Variants in ANK2 observed in about 807,000 individuals in gnomAD.
ANK2 encodes the protein ankyrin 2.
ANK2 carries 83 observed loss-of-function variants against 360.5 expected under a neutral mutation model. The observed-to-expected ratio is 0.23, with a 90% CI of 0.19 to 0.28. The LOEUF (loss-of-function observed/expected upper bound fraction) is 0.28, where lower values mean the gene tolerates loss of function less well. Among genes scored for constraint, ANK2 ranks in the 10% least tolerant of loss-of-function variants. ANK2 has a pLI of 1.00. For missense variants in ANK2, 4,201 were observed against 4,795.7 expected, an observed-to-expected ratio of 0.88 and a Z score of 3.66; for synonymous variants, 1,740 against 1,759.5, an observed-to-expected ratio of 0.99 and a Z score of 0.28.
chr4:113,135,632 A>G (rs1166784128), intron 1 of ANK2, among the ~76,000 whole-genome samples: 4 of 152,064 alleles, frequency 2.6e-5, no homozygotes, highest in African/African-American at 9.7e-5. Flanking sequence ...ATTACTCTCC[A>G]TATGTTTATA....
At chr4:113,021,541 CATATATATATATATATATATATAT>C (rs57817594) in intron 2 of ANK2, among the ~76,000 whole-genome samples, 6 of 95,640 alleles carry the variant, frequency 6.3e-5, no homozygotes, top group African/African-American at 1.5e-4. Context: ...CACACACAAA[CATATATATATATATATATATATAT>C]ATATATATAT....
chr4:113,251,628 G>T (rs1225873373), intron 10 of ANK2, among the ~76,000 whole-genome samples: 6 of 151,572 alleles, frequency 4.0e-5, no homozygotes, highest in African/African-American at 1.5e-4. Flanking sequence ...AACTACAGGC[G>T]CCCACCACCA....
intron 1 of ANK2, among the ~76,000 whole-genome samples, chr4:113,139,429 C>T (rs1476099374): frequency 6.6e-6 from 1 of 152,120 alleles, no homozygotes; most frequent in African/African-American, 2.4e-5. Context: ...AATGAAGCCC[C>T]CATCTTGCTT....
At chr4:112,752,957 C>T in the ANK2 span, among the ~76,000 whole-genome samples, 2 of 152,160 alleles carry the variant, frequency 1.3e-5, no homozygotes, top group East Asian at 1.9e-4. Context: ...TGAACCTTTG[C>T]GCTGGCCTCC....
At chr4:113,054,286 T>A (rs2068507095) in intron 1 of ANK2, among the ~76,000 whole-genome samples, 1 of 151,810 alleles carries the variant, frequency 6.6e-6, no homozygotes, top group Non-Finnish European at 1.5e-5. Context: ...TCTGGATCAC[T>A]AAGATATTCA....
Position 113,336,092 on chromosome 4 carries a change from G to A in ANK2, c.3591+35G>A, listed in dbSNP as rs756701470. On this transcript the variant is annotated intron_variant, in intron 30 of 45. Coordinates refer to ENST00000357077, the MANE Select transcript of ANK2 (RefSeq NM_001148.6). ...TGTTAGATGCAAATGATCCTAACAGGATTGTATTCTAATGATTAAAAATTA... is the reference window on the plus strand; with the variant it reads ...TGTTAGATGCAAATGATCCTAACAGAATTGTATTCTAATGATTAAAAATTA... 20 of 1,601,322 alleles carry A rather than the reference G, an allele frequency of 1.2e-5. No individual in the cohort carries two copies. The Middle Eastern group carries it at 5.9e-4, about 47-fold the overall frequency.
At chr4:112,864,018 G>A (rs780040235) in intron 1 of ANK2, among the ~76,000 whole-genome samples, 6 of 152,086 alleles carry the variant, frequency 3.9e-5, no homozygotes, top group Non-Finnish European at 8.8e-5. Context: ...CTTACATTTG[G>A]GTGGGAATAC....
Position 113,335,956 on chromosome 4 carries a change from AT to A in ANK2, c.3492del (p.Ile1164MetfsTer8). The A allele has an allele frequency of 6.2e-7, 1 of 1,614,136 alleles. No homozygotes were observed. The highest frequency in any genetic ancestry group is 8.5e-7 in the Non-Finnish European group (1 of 1,180,028). ...TCGTATCAAACAGGACAGCAATCTG[AT>A]TGGCCCAGAAGGAGGTGTACTGAGC... ...VSRIKQDSNLIGPEGGVLSST... is the reference protein window; with the variant it reads ...VSRIKQDSNLXGPEGGVLSST... On this transcript the variant is annotated frameshift_variant, in exon 30 of 46. Transcript: ENST00000357077. LOFTEE classifies it high-confidence loss of function.
intron 1 of ANK2, among the ~76,000 whole-genome samples, chr4:113,096,023 C>T (rs1211673816): frequency 6.6e-6 from 1 of 152,164 alleles, no homozygotes; most frequent in East Asian, 1.9e-4. Context: ...TGATGAGGGG[C>T]TGCCAAAGTA....
chr4:112,903,695 T>G (rs916784863), intron 1 of ANK2, among the ~76,000 whole-genome samples: 1 of 152,214 alleles, frequency 6.6e-6, no homozygotes, highest in African/African-American at 2.4e-5. Flanking sequence ...CATTAAAAAC[T>G]TGTCCAATCT....
chr4:113,277,941 G>T lies in ANK2; in HGVS notation c.1782+6G>T, dbSNP rs2060824270. Reference sequence around the variant, plus strand: ...CCGCAGATTCTGCAGGGAAGGTAAAGATTTTCTATACGTTATAATTATGTA... The same window carrying T: ...CCGCAGATTCTGCAGGGAAGGTAAATATTTTCTATACGTTATAATTATGTA... On this transcript the variant is annotated splice_donor_region_variant and intron_variant, in intron 16 of 45. Transcript: ENST00000357077. 2.5e-6 allele frequency: 4 copies of T among 1,609,352 alleles called. No homozygotes were observed. The highest frequency in any genetic ancestry group is 2.6e-6 in the Non-Finnish European group (3 of 1,175,926).
chr4:112,987,721 C>A (rs2045414957), intron 2 of ANK2, among the ~76,000 whole-genome samples: 1 of 151,830 alleles, frequency 6.6e-6, no homozygotes, highest in South Asian at 2.1e-4. Flanking sequence ...ATGTCTATTG[C>A]CTAACTTAGT....
chr4:113,292,287 A>C (rs763856834), intron 20 of ANK2, 129 bp from the exon 21 acceptor site: 19 of 865,902 alleles, frequency 2.2e-5, no homozygotes, highest in African/African-American at 3.3e-5. Context: ...GTTGCTGATC[A>C]TCTTGGGCTC....
intron 2 of ANK2, among the ~76,000 whole-genome samples, chr4:112,936,729 T>C (rs994662156): frequency 2.0e-5 from 3 of 151,800 alleles, no homozygotes; most frequent in Non-Finnish European, 1.5e-5. Flanking sequence ...TGGAGGTCAA[T>C]AATCTACACA....
At chr4:112,731,049 G>T in the ANK2 span, among the ~76,000 whole-genome samples, 1 of 152,034 alleles carries the variant, frequency 6.6e-6, no homozygotes, top group African/African-American at 2.4e-5. Context: ...GGCTGAGGCA[G>T]GAGAATCGCT....
intron 14 of ANK2, 79 bp from the exon 15 acceptor site, chr4:113,274,373 A>G: frequency 1.4e-6 from 2 of 1,462,372 alleles, no homozygotes; most frequent in East Asian, 2.3e-5. Flanking sequence ...AGAAGACATC[A>G]TGAAATATGT....
At chr4:113,348,125 T>C in intron 35 of ANK2, 151 bp from the exon 36 acceptor site, 2 of 739,738 alleles carry the variant, frequency 2.7e-6, no homozygotes, top group South Asian at 3.2e-5. Context: ...TTCTATAAAC[T>C]GTTAGTAATA....
At chr4:113,324,637 A>G (rs2088697436) in intron 26 of ANK2, among the ~76,000 whole-genome samples, 1 of 152,228 alleles carries the variant, frequency 6.6e-6, no homozygotes, top group African/African-American at 2.4e-5. Context: ...GCCATATCCA[A>G]GCAATTTTTA....
intron 2 of ANK2, among the ~76,000 whole-genome samples, chr4:113,037,438 T>G (rs975579269): frequency 6.6e-6 from 1 of 151,990 alleles, no homozygotes; most frequent in African/African-American, 2.4e-5. Flanking sequence ...ATTATTATTG[T>G]TATACTCTAA....
Sources: gnomAD v4.1 joint callset for allele counts (sites outside exome capture counted in the v4.1 genomes callset) on GRCh38, gnomAD v4.1.1 for gene constraint, MANE v1.5 for transcripts, NCBI Gene and HGNC (gene_info 2026-07-23, HGNC 2026-07-21) for gene names.